Variants in PCDH9 observed in about 807,000 individuals in gnomAD.
PCDH9 encodes protocadherin-9.
Under a neutral mutation model 70.6 loss-of-function variants are expected in PCDH9, and 24 were observed. The ratio of observed to expected loss-of-function variants is 0.34; its 90% CI spans 0.25 to 0.48. The LOEUF (loss-of-function observed/expected upper bound fraction) is 0.48, where lower values mean the gene tolerates loss of function less well. PCDH9 is among the 20% of genes least tolerant of loss of function. The pLI, the probability that PCDH9 is intolerant of heterozygous loss-of-function variation, is 0.99. For synonymous variants in PCDH9, 562 were observed against 558.5 expected, an observed-to-expected ratio of 1.01 and a Z score of -0.09; for missense variants, 1,281 against 1,503.6, an observed-to-expected ratio of 0.85 and a Z score of 2.45.
chr13:67,035,084 T>A (rs541092448), intron 2 of PCDH9, among the ~76,000 whole-genome samples: 1 of 152,266 alleles, frequency 6.6e-6, no homozygotes, highest in Non-Finnish European at 1.5e-5. Context: ...TCAATTGTTA[T>A]CAAATGACTA....
At chr13:66,487,935 G>A (rs1463761355) in intron 4 of PCDH9, among the ~76,000 whole-genome samples, 1 of 152,128 alleles carries the variant, frequency 6.6e-6, no homozygotes, top group African/African-American at 2.4e-5. Flanking sequence ...GAAGATCTTG[G>A]CTTGTAGAAA....
intron 4 of PCDH9, among the ~76,000 whole-genome samples, chr13:66,363,171 T>C (rs1283461544): frequency 1.3e-5 from 2 of 152,046 alleles, no homozygotes; most frequent in Non-Finnish European, 2.9e-5. Flanking sequence ...AGAGCAAGAC[T>C]CTCTCTCAAA....
intron 2 of PCDH9, among the ~76,000 whole-genome samples, chr13:67,092,439 T>C (rs934059260): frequency 8.5e-5 from 13 of 152,184 alleles, no homozygotes; most frequent in Non-Finnish European, 1.9e-4. Flanking sequence ...CAAAGAAAAG[T>C]ACTCAATAAC....
intron 3 of PCDH9, among the ~76,000 whole-genome samples, chr13:66,688,920 C>T (rs73200904): frequency 0.3 from 46,178 of 151,872 alleles, 8,172 homozygotes; most frequent in South Asian, 0.42. Context: ...TAGAAACTTA[C>T]TAATTATGTA....
chr13:66,789,523 A>G (rs551464512), intron 3 of PCDH9, among the ~76,000 whole-genome samples: 11 of 151,926 alleles, frequency 7.2e-5, no homozygotes, highest in African/African-American at 2.2e-4. Flanking sequence ...TTTTTTTTCC[A>G]GCTAGGAACA....
At chr13:66,511,545 A>T (rs1435918018) in intron 4 of PCDH9, among the ~76,000 whole-genome samples, 1 of 152,096 alleles carries the variant, frequency 6.6e-6, no homozygotes, top group Non-Finnish European at 1.5e-5. Context: ...TCAAGTCATG[A>T]TAACTGATCT....
rs1164699584 is a variant in PCDH9 at position 66,527,951 on chromosome 13, GA to G, written c.3340+103258del. On this transcript the variant is annotated intron_variant, in intron 4 of 4. Transcript: ENST00000377865. ...GAGAATTGCTTGAACCTGGAAGGTG[GA>G]GGTTGAAGTGAGCTGAGATCACACC... 4.6e-5 allele frequency among the ~76,000 whole-genome samples: 7 copies of G among 152,150 alleles called. No homozygotes were observed. The East Asian group carries it at 1.3e-3, about 29-fold the overall frequency.
At chr13:66,529,492 G>T (rs1960353207) in intron 4 of PCDH9, among the ~76,000 whole-genome samples, 1 of 152,030 alleles carries the variant, frequency 6.6e-6, no homozygotes, top group Non-Finnish European at 1.5e-5. Context: ...CCTTTTGTTT[G>T]TGTATCGGTA....
At chr13:66,871,087 A>G (rs1302630467) in intron 3 of PCDH9, among the ~76,000 whole-genome samples, 1 of 152,080 alleles carries the variant, frequency 6.6e-6, no homozygotes, top group African/African-American at 2.4e-5. Flanking sequence ...TGTCCTTTGT[A>G]GGGACATGGA....
At chr13:66,668,253 C>T (rs2078123486) in intron 3 of PCDH9, among the ~76,000 whole-genome samples, 1 of 152,050 alleles carries the variant, frequency 6.6e-6, no homozygotes, top group Admixed American at 6.6e-5. Context: ...ATTGGCAAAC[C>T]TTTCTTATAA....
At chr13:66,641,421 C>G (rs1343751190) in intron 3 of PCDH9, among the ~76,000 whole-genome samples, 2 of 152,154 alleles carry the variant, frequency 1.3e-5, no homozygotes, top group Admixed American at 6.5e-5. Context: ...AGTGCATGGT[C>G]ATGCATAGTC....
At chr13:66,481,878 A>G (rs1205571961) in intron 4 of PCDH9, among the ~76,000 whole-genome samples, 2 of 152,188 alleles carry the variant, frequency 1.3e-5, no homozygotes, top group East Asian at 3.9e-4. Context: ...TCCAAAACAA[A>G]ATCATTAACA....
chr13:67,227,361 G>A lies in PCDH9; in HGVS notation c.1080C>T (p.Leu360=). Residue 360 remains leucine, a synonymous_variant, in exon 2 of 5, where the codon CTC becomes CTT. Transcript: ENST00000377865. The surrounding 1 kb of genome is among the most constrained non-coding windows in gnomAD (Gnocchi z 4.6). Reference sequence around the variant, plus strand: ...CATTGATGGGACTTATAATGTACCTGAGGTCTATATTAGGAGGGTTATCAT... The same window carrying A: ...CATTGATGGGACTTATAATGTACCTAAGGTCTATATTAGGAGGGTTATCAT... ...DVNDNPPNID[L]RYIISPINGT... The A allele has an allele frequency of 6.2e-7, 1 of 1,614,004 alleles. No individual in the cohort carries two copies. Among genetic ancestry groups the A allele is most frequent in the Non-Finnish European group, 8.5e-7 (1 of 1,179,884 alleles).
chr13:66,975,970 C>T (rs1486819316), intron 2 of PCDH9, among the ~76,000 whole-genome samples: 1 of 151,908 alleles, frequency 6.6e-6, no homozygotes. Context: ...AGAAAACAGT[C>T]TATAAGAGGT....
intron 2 of PCDH9, among the ~76,000 whole-genome samples, chr13:66,930,973 G>A (rs1193107886): frequency 6.6e-6 from 1 of 152,130 alleles, no homozygotes; most frequent in East Asian, 1.9e-4. Flanking sequence ...AATTGGATGT[G>A]CAGGAAATAC....
At chr13:67,026,464 A>G (rs2084783416) in intron 2 of PCDH9, among the ~76,000 whole-genome samples, 1 of 152,140 alleles carries the variant, frequency 6.6e-6, no homozygotes, top group African/African-American at 2.4e-5. Context: ...ATCATACTGA[A>G]TGGGCAAAAA....
chr13:67,190,715 T>C (rs1022737989), intron 2 of PCDH9, among the ~76,000 whole-genome samples: 1 of 152,104 alleles, frequency 6.6e-6, no homozygotes, highest in Non-Finnish European at 1.5e-5. Context: ...AAAGTATGAA[T>C]AATTTTACTA....
At chr13:66,784,416 A>G (rs1413452699) in intron 3 of PCDH9, among the ~76,000 whole-genome samples, 2 of 152,178 alleles carry the variant, frequency 1.3e-5, no homozygotes, top group African/African-American at 2.4e-5. Flanking sequence ...GGTGAATTTC[A>G]GAATGAAAGC....
chr13:67,100,207 G>T (rs1258385715), intron 2 of PCDH9, among the ~76,000 whole-genome samples: 1 of 151,980 alleles, frequency 6.6e-6, no homozygotes, highest in Admixed American at 6.6e-5. Context: ...TAGATTATAT[G>T]CCTATTGCTT....
Sources: allele counts gnomAD v4.1 joint callset (sites outside exome capture counted in the v4.1 genomes callset), GRCh38; gene constraint gnomAD v4.1.1; non-coding constraint Gnocchi (gnomAD v3.1); transcripts MANE v1.5; gene names NCBI Gene and HGNC (gene_info 2026-07-23, HGNC 2026-07-21).